Variants in NASP observed in about 807,000 individuals in gnomAD.
NASP encodes the protein nuclear autoantigenic sperm protein.
Under a neutral mutation model 89.5 loss-of-function variants are expected in NASP, and 24 were observed. The ratio of observed to expected loss-of-function variants is 0.27; its 90% CI spans 0.19 to 0.38. The LOEUF is 0.38. NASP is among the 10% of genes least tolerant of loss of function. The pLI is 1.00. For synonymous variants in NASP, 306 were observed against 324.7 expected (o/e 0.94, Z 0.62); for missense variants, 848 against 921.4 (o/e 0.92, Z 1.03).
At chr1:45,614,253 AG>A (rs758268618) in intron 8 of NASP, 39 bp from the exon 9 acceptor site, 2 of 1,595,306 alleles carry the variant, frequency 1.3e-6, no homozygotes, top group Non-Finnish European at 1.7e-6. Context: ...AGGGTTAGAC[AG>A]GTACTGTTAA....
Position 45,618,388 on chromosome 1 carries a change from C to A in NASP, c.*247C>A, listed in dbSNP as rs531745479. The A allele has an allele frequency of 8.6e-6, 3 of 348,270 alleles. No homozygotes were observed. The highest frequency in any genetic ancestry group is 4.1e-5 in the Admixed American group (1 of 24,272). 21.6% of individuals were successfully genotyped at this position (348,270 alleles called of 1,614,324 possible). A position where few individuals can be genotyped will look rare whatever the true frequency, so the allele number is the denominator to read the frequency against. On this transcript the variant is annotated 3_prime_UTR_variant, in exon 15 of 15. Coordinates refer to ENST00000350030, the MANE Select transcript of NASP (RefSeq NM_002482.4). Reference sequence around the variant, plus strand: ...CTGATCCTAATTCCTATCTGTCTAACGTGGAGGTGATCAAGTGTGGCTGTA... The same window carrying A: ...CTGATCCTAATTCCTATCTGTCTAAAGTGGAGGTGATCAAGTGTGGCTGTA...
At position 45,615,456 on chromosome 1, in the gene NASP, T is replaced by C; in HGVS notation, c.2007T>C (p.Ala669=). 1 of 1,612,848 alleles carries C rather than the reference T, an allele frequency of 6.2e-7. No individual in the cohort carries two copies. The highest frequency in any genetic ancestry group is 8.5e-7 in the Non-Finnish European group (1 of 1,179,664). ...GTAGTGGGAATGTAGCTGAACTGGCTCTGAAAGCTACTCTGGTTGGTTCCG... is the reference window on the plus strand; with the variant it reads ...GTAGTGGGAATGTAGCTGAACTGGCCCTGAAAGCTACTCTGGTTGGTTCCG... ...SQRSGNVAEL[A]LKATLVESST... The change falls in exon 11 of 15, where the codon GCT becomes GCC. Residue 669 remains alanine (A), a synonymous_variant. Coordinates refer to ENST00000350030, the MANE Select transcript of NASP (RefSeq NM_002482.4).
intron 1 of NASP, among the ~76,000 whole-genome samples, chr1:45,590,650 A>G (rs949013019): frequency 4.7e-5 from 7 of 148,020 alleles, no homozygotes; most frequent in Admixed American, 2.7e-4. Context: ...ATGGTATTCA[A>G]TTCAGAGTCT....
intron 3 of NASP, among the ~76,000 whole-genome samples, chr1:45,603,181 A>G (rs1412271046): frequency 1.3e-5 from 2 of 152,194 alleles, no homozygotes; most frequent in South Asian, 2.1e-4. Context: ...ATTTTCCCCA[A>G]AGACTTTAAT....
rs568931112 is a variant in NASP at position 45,589,752 on chromosome 1, T to C, written c.60-1471T>C. On this transcript the variant is annotated intron_variant, in intron 1 of 14. Transcript: ENST00000350030. ...CCATCTCTGGTAAAAAACAGAAAAA[T>C]TAGCCAGGCGTGGTGGTGGGCGCCT... Among the ~76,000 whole-genome samples, 9 of 151,698 alleles carry C rather than the reference T, an allele frequency of 5.9e-5. No homozygotes were observed. In the South Asian group the frequency reaches 1.5e-3, roughly 25 times the overall value.
intron 1 of NASP, among the ~76,000 whole-genome samples, chr1:45,590,029 A>G (rs374337073): frequency 1.3e-5 from 2 of 152,302 alleles, no homozygotes; most frequent in Admixed American, 1.3e-4. Context: ...TCACCTGGGC[A>G]GTTGTTAGAA....
In NASP at chr1:45,590,359, C is replaced by T. The variant is rs551358883; in HGVS notation, c.60-864C>T. Among the ~76,000 whole-genome samples the T allele has an allele frequency of 2.3e-3, 343 of 151,700 alleles. 2 individuals are homozygous for T. The highest frequency in any genetic ancestry group is 7.9e-3 in the African/African-American group (327 of 41,396). On this transcript the variant is annotated intron_variant, in intron 1 of 14. Transcript: ENST00000350030. ...GGAGACGAGACCATCCTGGCTAACA[C>T]GGTGAAACCCTGTCTCTACTAAAAA...
At chr1:45,595,190 T>C (rs948794274) in intron 2 of NASP, among the ~76,000 whole-genome samples, 2 of 134,134 alleles carry the variant, frequency 1.5e-5, no homozygotes, top group Admixed American at 1.5e-4. Context: ...TGTGTGTGTT[T>C]TAGAGACAGG....
chr1:45,608,219 A>G lies in NASP; in HGVS notation c.1308A>G (p.Gly436=), dbSNP rs1251616330. ...CTGTAGAAGAGTCTGAGGCAGCTGG[A>G]GATGGGGTTGATACCAAGGTAGCCC... ...KLSVEESEAA[G]DGVDTKVAQG... The change falls in exon 6 of 15, where the codon GGA becomes GGG. Residue 436 remains glycine, a synonymous_variant. Coordinates refer to ENST00000350030, the MANE Select transcript of NASP (RefSeq NM_002482.4). The G allele has an allele frequency of 6.2e-7, 1 of 1,614,188 alleles. No homozygotes were observed.
chr1:45,606,634 A>G, intron 5 of NASP, 43 bp downstream of exon 5: 3 of 1,373,388 alleles, frequency 2.2e-6, no homozygotes, highest in Non-Finnish European at 3.1e-6. Flanking sequence ...GCGACGTTGT[A>G]TATTTCTTGT....
chr1:45,596,160 A>G (rs944562447), intron 2 of NASP, among the ~76,000 whole-genome samples: 1 of 152,234 alleles, frequency 6.6e-6, no homozygotes, highest in African/African-American at 2.4e-5. Context: ...GATAAGTTAT[A>G]TATCAACTGC....
Position 45,584,163 on chromosome 1 carries a change from C to A in NASP, c.17C>A (p.Thr6Lys). 1 of 1,596,788 alleles carries A rather than the reference C, an allele frequency of 6.3e-7. No individual in the cohort carries two copies. The highest frequency in any genetic ancestry group is 8.5e-7 in the Non-Finnish European group (1 of 1,172,008). ...AGGGGAACGATGGCCATGGAGTCCA[C>A]AGCCACTGCCGCCGTCGCCGCGGAG... MAMES[T>K]ATAAVAAELV... The change falls in exon 1 of 15, where the codon ACA becomes AAA. Residue 6 changes from threonine (T) to lysine (K), a missense_variant. Physicochemically the swap from Thr to Lys is moderately conservative, Grantham distance 78. Around this residue, in one of 5 missense-constraint regions of NASP, gnomAD observed 89 missense variants for 79.2 expected, o/e 1.12. Transcript: ENST00000350030.
chr1:45,616,559 A>G, intron 12 of NASP, 67 bp from the exon 13 acceptor site: 3 of 1,562,616 alleles, frequency 1.9e-6, no homozygotes, highest in Non-Finnish European at 2.6e-6. Flanking sequence ...AAACTAAAAA[A>G]TTATAAAAGC....
chr1:45,597,298 C>CTTT (rs71056314), intron 2 of NASP, among the ~76,000 whole-genome samples: 40,629 of 98,046 alleles, frequency 0.41, 9,509 homozygotes, highest in East Asian at 0.49. Context: ...CAGAGCAAGA[C>CTTT]TTTTTTTTTT....
intron 5 of NASP, 25 bp downstream of exon 5, chr1:45,606,616 C>CA (rs770658692): frequency 6.8e-7 from 1 of 1,461,984 alleles, no homozygotes; most frequent in East Asian, 2.3e-5. Context: ...ATGTGACATT[C>CA]AAGAGATGCG....
chr1:45,612,422 CTT>C (rs1644031168), intron 6 of NASP: 1 of 152,160 alleles, frequency 6.6e-6, no homozygotes. Context: ...ATTTTAATCA[CTT>C]AACATTGTTG....
At chr1:45,597,333 A>G (rs1021874784) in intron 2 of NASP, among the ~76,000 whole-genome samples, 4 of 143,264 alleles carry the variant, frequency 2.8e-5, no homozygotes, top group Non-Finnish European at 4.5e-5. Context: ...AAGACAAATG[A>G]CCACTTGTTG....
chr1:45,584,320 C>G, intron 1 of NASP, 115 bp downstream of exon 1: 1 of 916,360 alleles, frequency 1.1e-6, no homozygotes, highest in Non-Finnish European at 1.6e-6. Context: ...TTCCCAAGAG[C>G]AGCTGTCGCT....
At chr1:45,591,166 C>T in intron 1 of NASP, 57 bp from the exon 2 acceptor site, 1 of 1,018,366 alleles carries the variant, frequency 9.8e-7, no homozygotes, top group Non-Finnish European at 1.4e-6. Flanking sequence ...ATTTTATTTT[C>T]AGGCTTAATA....
Sources: gnomAD v4.1 joint callset for allele counts (sites outside exome capture counted in the v4.1 genomes callset) on GRCh38, gnomAD v4.1.1 for gene constraint, gnomAD v4.1.1 regional missense constraint, MANE v1.5 for transcripts, NCBI Gene and HGNC (gene_info 2026-07-23, HGNC 2026-07-21) for gene names.